The following PIP5K1B variants were observed in gnomAD, a reference collection of about 807,000 sequenced individuals.
PIP5K1B encodes the protein phosphatidylinositol 4-phosphate 5-kinase type-1 beta.
PIP5K1B carries 42 observed loss-of-function variants against 67.0 expected under a neutral mutation model. That is an observed-to-expected ratio of 0.63 (90% CI 0.49 to 0.81). The LOEUF (loss-of-function observed/expected upper bound fraction) is 0.81. Among genes scored for constraint, PIP5K1B ranks in the 30% least tolerant of loss-of-function variants. The pLI is 0.00. For synonymous variants in PIP5K1B, 214 were observed against 231.4 expected (o/e 0.92, Z 0.68); for missense variants, 459 against 646.3 (o/e 0.71, Z 3.14).
chr9:68,960,249 G>A lies in PIP5K1B; in HGVS notation c.1502+19459G>A, dbSNP rs979350107. On this transcript the variant is annotated intron_variant, in intron 14 of 15. Transcript: ENST00000265382. ...CCCTAAGTTGCTGTTCAGAAGTTCA[G>A]ATTTATCCGTTTCCTGATCATCTGC... Among the ~76,000 whole-genome samples the A allele has an allele frequency of 1.3e-5, 2 of 152,140 alleles. 1 individual carries two copies. The highest frequency in any genetic ancestry group is 4.8e-5 in the African/African-American group (2 of 41,430).
At chr9:68,869,679 T>C (rs1169165188) in intron 5 of PIP5K1B, among the ~76,000 whole-genome samples, 3 of 152,162 alleles carry the variant, frequency 2.0e-5, no homozygotes, top group Non-Finnish European at 4.4e-5. Flanking sequence ...TGGCCCTTTA[T>C]AGAAAAAGAT....
chr9:68,726,532 T>C (rs1828155939), intron 1 of PIP5K1B, among the ~76,000 whole-genome samples: 1 of 152,232 alleles, frequency 6.6e-6, no homozygotes, highest in African/African-American at 2.4e-5. Flanking sequence ...CTCAGTTTTC[T>C]GCTTTTAGAA....
intron 1 of PIP5K1B, chr9:68,728,782 A>G (rs912772312): frequency 6.6e-6 from 1 of 152,218 alleles, no homozygotes; most frequent in Non-Finnish European, 1.5e-5. Context: ...AGAAGCCATT[A>G]GAGGGTTGAG....
At chr9:68,793,334 T>C (rs1232421136) in intron 2 of PIP5K1B, among the ~76,000 whole-genome samples, 1 of 152,038 alleles carries the variant, frequency 6.6e-6, no homozygotes, top group African/African-American at 2.4e-5. Flanking sequence ...TAGATTTTAA[T>C]AGGAACACTC....
At chr9:68,967,106 A>G (rs1829080419) in intron 14 of PIP5K1B, among the ~76,000 whole-genome samples, 1 of 152,184 alleles carries the variant, frequency 6.6e-6, no homozygotes, top group South Asian at 2.1e-4. Flanking sequence ...GGGTTGGGTA[A>G]AAGTTGTTTT....
chr9:68,822,773 T>G, intron 4 of PIP5K1B, 90 bp downstream of exon 4: 1 of 890,382 alleles, frequency 1.1e-6, no homozygotes, highest in South Asian at 1.5e-5. Flanking sequence ...TCCCAAGCAG[T>G]TGTAAGTTAC....
chr9:68,953,205 T>G (rs934122056), intron 14 of PIP5K1B, among the ~76,000 whole-genome samples: 1 of 152,170 alleles, frequency 6.6e-6, no homozygotes, highest in African/African-American at 2.4e-5. Flanking sequence ...TTTCCTCAAC[T>G]TCATCTCCTA....
chr9:68,817,167 G>A (rs1833487252), intron 2 of PIP5K1B, among the ~76,000 whole-genome samples: 1 of 152,210 alleles, frequency 6.6e-6, no homozygotes, highest in African/African-American at 2.4e-5. Flanking sequence ...AGTAGTGAGA[G>A]AAGGCGAATT....
At chr9:68,923,730 T>C (rs1393881310) in intron 12 of PIP5K1B, among the ~76,000 whole-genome samples, 5 of 152,220 alleles carry the variant, frequency 3.3e-5, no homozygotes, top group African/African-American at 1.2e-4. Context: ...TATGTAGTTA[T>C]CAGTCTGTAT....
chr9:69,002,479 G>A (rs1043363692), intron 15 of PIP5K1B, among the ~76,000 whole-genome samples: 1 of 152,098 alleles, frequency 6.6e-6, no homozygotes, highest in Non-Finnish European at 1.5e-5. Context: ...CTAACAAAAT[G>A]GTGAGCTTTT....
chr9:68,951,005 T>C (rs1828038860), intron 14 of PIP5K1B, among the ~76,000 whole-genome samples: 1 of 152,242 alleles, frequency 6.6e-6, no homozygotes, highest in Non-Finnish European at 1.5e-5. Context: ...AACCTGCCTT[T>C]GCATTTAGTT....
intron 4 of PIP5K1B, among the ~76,000 whole-genome samples, chr9:68,832,984 G>A (rs757945909): frequency 1.3e-5 from 2 of 152,196 alleles, no homozygotes; most frequent in Non-Finnish European, 2.9e-5. Flanking sequence ...TAGAATGTAT[G>A]ACATACATTT....
chr9:68,801,160 G>A (rs1435722058), intron 2 of PIP5K1B, among the ~76,000 whole-genome samples: 3 of 152,158 alleles, frequency 2.0e-5, no homozygotes. Flanking sequence ...GTGTGAGGAG[G>A]GGATGGAGAG....
chr9:68,896,490 T>G (rs536221232), intron 8 of PIP5K1B, among the ~76,000 whole-genome samples: 1 of 152,378 alleles, frequency 6.6e-6, no homozygotes, highest in South Asian at 2.1e-4. Flanking sequence ...TGCCTTTTTA[T>G]TTTTTATTCT....
At chr9:68,908,389 C>T (rs1189548932) in intron 8 of PIP5K1B, among the ~76,000 whole-genome samples, 1 of 149,794 alleles carries the variant, frequency 6.7e-6, no homozygotes, top group Non-Finnish European at 1.5e-5. Context: ...TATATATATA[C>T]ATGTATATGA....
intron 2 of PIP5K1B, among the ~76,000 whole-genome samples, chr9:68,808,153 A>G (rs1832969842): frequency 6.6e-6 from 1 of 152,226 alleles, no homozygotes; most frequent in African/African-American, 2.4e-5. Flanking sequence ...AGCAGCGATC[A>G]TGCCACTGCA....
intron 2 of PIP5K1B, among the ~76,000 whole-genome samples, chr9:68,762,942 C>T (rs1032845436): frequency 6.6e-6 from 1 of 152,044 alleles, no homozygotes; most frequent in African/African-American, 2.4e-5. Flanking sequence ...GCGCAGTTAT[C>T]GAATATGAGG....
At chr9:68,868,909 A>T (rs1419475551) in intron 5 of PIP5K1B, among the ~76,000 whole-genome samples, 3 of 151,344 alleles carry the variant, frequency 2.0e-5, no homozygotes, top group Admixed American at 1.3e-4. Flanking sequence ...GCACTTCAGG[A>T]TTTATTTGGA....
At chr9:68,869,488 G>T (rs866025028) in intron 5 of PIP5K1B, among the ~76,000 whole-genome samples, 24 of 152,290 alleles carry the variant, frequency 1.6e-4, no homozygotes, top group African/African-American at 5.3e-4. Context: ...TATCATGTGG[G>T]TCAGCATACA....
Sources: gnomAD v4.1 joint callset for allele counts (sites outside exome capture counted in the v4.1 genomes callset) on GRCh38, gnomAD v4.1.1 for gene constraint, MANE v1.5 for transcripts, NCBI Gene and HGNC (gene_info 2026-07-23, HGNC 2026-07-21) for gene names.